ANK2: variants seen among roughly 807,000 people sequenced by gnomAD.
ANK2 encodes ankyrin 2, also known as ankyrin-2.
ANK2 carries 83 observed loss-of-function variants against 360.5 expected under a neutral mutation model. That is an observed-to-expected ratio of 0.23 (90% confidence interval 0.19 to 0.28). The LOEUF (loss-of-function observed/expected upper bound fraction) is 0.28. Among genes scored for constraint, ANK2 ranks in the 10% least tolerant of loss-of-function variants. The pLI, the probability that ANK2 is intolerant of heterozygous loss-of-function variation, is 1.00. For missense variants in ANK2, 4,201 were observed against 4,795.7 expected (o/e 0.88, Z 3.66); for synonymous variants, 1,740 against 1,759.5 (o/e 0.99, Z 0.28).
At chr4:112,737,900 G>C in the ANK2 span, among the ~76,000 whole-genome samples, 1 of 152,162 alleles carries the variant, frequency 6.6e-6, no homozygotes, top group Non-Finnish European at 1.5e-5. Context: ...GTTAAAATGT[G>C]TCAGATTCAA....
the ANK2 span, among the ~76,000 whole-genome samples, chr4:112,708,690 C>A: frequency 6.6e-6 from 1 of 152,108 alleles, no homozygotes; most frequent in Admixed American, 6.6e-5. Context: ...ATTTGAATTA[C>A]TTATAGGGTC....
intron 4 of ANK2, among the ~76,000 whole-genome samples, chr4:113,230,198 T>C (rs1221108134): frequency 6.6e-6 from 1 of 152,200 alleles, no homozygotes; most frequent in Non-Finnish European, 1.5e-5. Flanking sequence ...TTGTAAATTT[T>C]CCTCCAACAT....
rs2095698642 is a variant in ANK2 at position 113,355,527 on chromosome 4, T to C, written c.6909T>C (p.Ser2303=). 1 of 1,613,964 alleles carries C rather than the reference T, an allele frequency of 6.2e-7. No individual in the cohort carries two copies. Among genetic ancestry groups the C allele is most frequent in the Admixed American group, 1.7e-5 (1 of 60,004 alleles). Residue 2303 remains serine (S), a synonymous_variant, in exon 38 of 46, where the codon TCT becomes TCC. Transcript: ENST00000357077. ...GATVTEDSET[S]TESFQKEATL... ...CAGTCACTGAGGACTCAGAGACCTCTACTGAGAGTTTTCAGAAAGAGGCCA... is the reference window on the plus strand; with the variant it reads ...CAGTCACTGAGGACTCAGAGACCTCCACTGAGAGTTTTCAGAAAGAGGCCA...
At chr4:112,991,590 C>CT (rs112327540) in intron 2 of ANK2, among the ~76,000 whole-genome samples, 42 of 136,096 alleles carry the variant, frequency 3.1e-4, no homozygotes, top group South Asian at 9.6e-4. Context: ...TCAGAGCAAG[C>CT]TTTTTTTTTT....
At chr4:112,855,295 T>C (rs2066078756) in intron 1 of ANK2, among the ~76,000 whole-genome samples, 2 of 152,322 alleles carry the variant, frequency 1.3e-5, no homozygotes, top group South Asian at 4.1e-4. Flanking sequence ...AGTCTGCTCA[T>C]ACTGAAGTGT....
chr4:113,262,852 T>C (rs1423551950), intron 13 of ANK2, among the ~76,000 whole-genome samples: 1 of 151,850 alleles, frequency 6.6e-6, no homozygotes, highest in Non-Finnish European at 1.5e-5. Context: ...ACAGGAGGCC[T>C]GGGACCAATC....
chr4:113,161,685 GT>G (rs975360486), intron 1 of ANK2, among the ~76,000 whole-genome samples: 28 of 147,426 alleles, frequency 1.9e-4, no homozygotes, highest in Non-Finnish European at 3.6e-4. Context: ...ACAAAATTTT[GT>G]TTTAGTCTCG....
intron 26 of ANK2, 40 bp downstream of exon 26, chr4:113,318,660 A>G (rs2084253148): frequency 5.9e-6 from 9 of 1,520,912 alleles, no homozygotes; most frequent in Non-Finnish European, 8.1e-6. Context: ...CAAGAGGTAA[A>G]AAGAGATGGG....
chr4:113,061,121 T>C (rs751732239), intron 1 of ANK2, among the ~76,000 whole-genome samples: 1 of 152,098 alleles, frequency 6.6e-6, no homozygotes, highest in Non-Finnish European at 1.5e-5. Flanking sequence ...TGCTTTAAAC[T>C]GTTTTTTTGG....
intron 1 of ANK2, among the ~76,000 whole-genome samples, chr4:113,132,476 T>G (rs1218768402): frequency 6.6e-6 from 1 of 152,130 alleles, no homozygotes; most frequent in African/African-American, 2.4e-5. Context: ...GATAGGAAAT[T>G]TTTTAGATTA....
At chr4:112,706,089 G>A in the ANK2 span, among the ~76,000 whole-genome samples, 1 of 151,132 alleles carries the variant, frequency 6.6e-6, no homozygotes. Context: ...GGAGGAGACC[G>A]AGGAGACGCG....
In ANK2 at chr4:113,319,408, A is replaced by AT. The variant is rs1036467803; in HGVS notation, c.2900+794dup. ...TATCATAATTATATATAAAATTTCT[A>AT]TTTTTTATTTAATTATTTTTAAAGC... On this transcript the variant is annotated intron_variant, in intron 26 of 45. Coordinates refer to ENST00000357077, the MANE Select transcript of ANK2 (RefSeq NM_001148.6). Among the ~76,000 whole-genome samples the AT allele has an allele frequency of 2.0e-4, 30 of 151,110 alleles. 1 individual carries two copies. Among genetic ancestry groups the AT allele is most frequent in the Admixed American group, 1.5e-3 (23 of 15,224 alleles).
At chr4:113,245,700 A>C (rs1176690263) in intron 9 of ANK2, among the ~76,000 whole-genome samples, 1 of 152,240 alleles carries the variant, frequency 6.6e-6, no homozygotes, top group Non-Finnish European at 1.5e-5. Context: ...ATTCAAGATG[A>C]GATTTAGGTG....
chr4:112,983,479 C>A (rs1266318803), intron 2 of ANK2, among the ~76,000 whole-genome samples: 1 of 151,552 alleles, frequency 6.6e-6, no homozygotes, highest in Non-Finnish European at 1.5e-5. Flanking sequence ...GAGATCGAGA[C>A]CAGCCTGACC....
At chr4:112,998,631 G>A (rs909615620) in intron 2 of ANK2, among the ~76,000 whole-genome samples, 2 of 152,128 alleles carry the variant, frequency 1.3e-5, no homozygotes, top group Non-Finnish European at 2.9e-5. Context: ...GATATTAATA[G>A]GTGGTTGGTT....
intron 14 of ANK2, among the ~76,000 whole-genome samples, chr4:113,273,651 C>A (rs958263446): frequency 6.6e-5 from 10 of 152,278 alleles, no homozygotes; most frequent in African/African-American, 2.4e-4. Flanking sequence ...AAGTTACACT[C>A]AATTTTCTTT....
chr4:113,379,009 T>C (rs2097069374), intron 45 of ANK2, among the ~76,000 whole-genome samples: 1 of 152,176 alleles, frequency 6.6e-6, no homozygotes, highest in Admixed American at 6.5e-5. Flanking sequence ...CAGAGTATGC[T>C]ACAGAACTAT....
the ANK2 span, chr4:112,788,731 C>A: frequency 6.3e-7 from 1 of 1,591,172 alleles, no homozygotes; most frequent in Non-Finnish European, 8.5e-7. Flanking sequence ...CGGGTGAGGT[C>A]TCTTTTGGGC....
the ANK2 span, among the ~76,000 whole-genome samples, chr4:112,711,843 TA>T: frequency 6.7e-6 from 1 of 148,216 alleles, no homozygotes; most frequent in South Asian, 2.1e-4. Flanking sequence ...AAAATAAAAA[TA>T]AAAATAAAAA....
Sources: allele counts gnomAD v4.1 joint callset (sites outside exome capture counted in the v4.1 genomes callset), GRCh38; gene constraint gnomAD v4.1.1; transcripts MANE v1.5; gene names NCBI Gene and HGNC (gene_info 2026-07-23, HGNC 2026-07-21).